Variants in TARS2 observed in about 807,000 individuals in gnomAD.
TARS2 encodes threonyl-tRNA synthetase 2, mitochondrial.
A neutral mutation model predicts 94.4 loss-of-function variants in TARS2; 61 were observed. That is an observed-to-expected ratio of 0.65 (90% CI 0.53 to 0.80). The LOEUF is 0.80. TARS2 is among the 30% of genes least tolerant of loss of function. The pLI is 0.00. For synonymous variants in TARS2, 359 were observed against 353.4 expected (o/e 1.02, Z -0.18); for missense variants, 704 against 902.5 (o/e 0.78, Z 2.82).
intron 13 of TARS2, among the ~76,000 whole-genome samples, chr1:150,500,008 C>CAA (rs587603543): frequency 4.8e-5 from 5 of 104,056 alleles, no homozygotes; most frequent in Admixed American, 1.0e-4. Flanking sequence ...CTGTGTCTAC[C>CAA]AAAAAAAAAA....
At chr1:150,499,323 T>G (rs1164456632) in intron 13 of TARS2, 30 bp downstream of exon 13, 3 of 1,594,230 alleles carry the variant, frequency 1.9e-6, no homozygotes, top group Non-Finnish European at 2.6e-6. Context: ...TAGTGTTGTA[T>G]TTATTTATTT....
intron 2 of TARS2, 23 bp downstream of exon 2, chr1:150,488,077 A>C: frequency 1.2e-6 from 2 of 1,609,888 alleles, no homozygotes; most frequent in Non-Finnish European, 8.5e-7. Context: ...TCCTGTAACT[A>C]CCAGGATTAT....
chr1:150,491,781 A>T, intron 6 of TARS2, 119 bp downstream of exon 6: 1 of 1,122,280 alleles, frequency 8.9e-7, no homozygotes, highest in East Asian at 2.5e-5. Context: ...AAGAAATGGG[A>T]ATGGGAATTG....
chr1:150,505,806 C>T (rs1035694305), intron 17 of TARS2, 101 bp downstream of exon 17: 2 of 1,104,480 alleles, frequency 1.8e-6, no homozygotes, highest in Non-Finnish European at 2.6e-6. Context: ...AATTGGGGCT[C>T]ATTACCTGAG....
In TARS2 at chr1:150,491,425, G is replaced by A. The variant is rs1173222873; in HGVS notation, c.544G>A (p.Glu182Lys). The A allele has an allele frequency of 8.7e-6, 14 of 1,613,306 alleles. No homozygotes were observed. The South Asian group carries it at 1.2e-4, about 14-fold the overall frequency. The change falls in exon 5 of 18, where the codon GAG becomes AAG. Residue 182 changes from glutamate to lysine, a missense_variant. Glu to Lys is a moderately conservative substitution (Grantham distance 56). This residue lies in a region of TARS2 where 208 missense variants were observed against 228.5 expected (regional missense o/e 0.91). Transcript: ENST00000369064. ...TIRGSELPVLERICQELTAAA... is the reference protein window; with the variant it reads ...TIRGSELPVLKRICQELTAAA... ...CCGGGGCTCAGAGCTGCCTGTTTTGGAGCGGATTTGCCAGGAACTTACAGC... is the reference window on the plus strand; with the variant it reads ...CCGGGGCTCAGAGCTGCCTGTTTTGAAGCGGATTTGCCAGGAACTTACAGC...
At position 150,490,072 on chromosome 1, in the gene TARS2, G is replaced by A. The variant is rs1669313799; in HGVS notation, c.388-529G>A. Reference sequence around the variant, plus strand: ...GGTGGGGCTGGAGCTTCTATGCACTGAAAGAAGAAAAAATACTGGCCTTCT... The same window carrying A: ...GGTGGGGCTGGAGCTTCTATGCACTAAAAGAAGAAAAAATACTGGCCTTCT... On this transcript the variant is annotated intron_variant, in intron 3 of 17. Transcript: ENST00000369064. Among the ~76,000 whole-genome samples, 4 of 148,542 alleles carry A rather than the reference G, an allele frequency of 2.7e-5. No individual in the cohort carries two copies. The South Asian group carries it at 8.5e-4, about 32-fold the overall frequency.
At chr1:150,491,960 AGT>A in intron 6 of TARS2, 1 of 116,432 alleles carries the variant, frequency 8.6e-6, no homozygotes, top group East Asian at 2.0e-4. Context: ...ATGCCTGGCT[AGT>A]TTTTTTTTTT....
chr1:150,502,120 C>T (rs1669951829), intron 13 of TARS2, among the ~76,000 whole-genome samples: 1 of 151,622 alleles, frequency 6.6e-6, no homozygotes, highest in African/African-American at 2.4e-5. Context: ...ACCATGTTGG[C>T]CAGGCTGGTC....
At position 150,489,101 on chromosome 1, in the gene TARS2, T is replaced by G. The variant is rs781625984; in HGVS notation, c.387+14T>G. 1.9e-6 allele frequency: 3 copies of G among 1,614,038 alleles called. No individual in the cohort carries two copies. In the South Asian group the frequency reaches 3.3e-5, roughly 18 times the overall value. ...GAGGGGAAAGCAGTAAGTTTCTTTC[T>G]TATCAGGAATACAGTGACTACTAAA... On this transcript the variant is annotated intron_variant, in intron 3 of 17. Coordinates refer to ENST00000369064, the MANE Select transcript of TARS2 (RefSeq NM_025150.5).
rs7542068 is a variant in TARS2 at position 150,491,296 on chromosome 1, C to G, written c.513-98C>G. 0.2 allele frequency: 226,726 copies of G among 1,160,864 alleles called. 24,913 individuals carry two copies. Among genetic ancestry groups the G allele is most frequent in the African/African-American group, 0.32 (21,053 of 65,536 alleles). The allele number at this position is 1,160,864 out of a possible 1,614,324, so 71.9% of individuals were successfully genotyped here. A position where few individuals can be genotyped will look rare whatever the true frequency, so the allele number is the denominator to read the frequency against. On this transcript the variant is annotated intron_variant, in intron 4 of 17. Transcript: ENST00000369064. ...TCTTTGCCTATAACTCTAGATTTCT[C>G]TTGAAGGACAGGACCTTACCCGCTA...
intron 16 of TARS2, among the ~76,000 whole-genome samples, chr1:150,505,185 G>A (rs1670147765): frequency 6.6e-6 from 1 of 152,210 alleles, no homozygotes; most frequent in Non-Finnish European, 1.5e-5. Context: ...AGAGATGTAT[G>A]AAAATTAAAC....
intron 6 of TARS2, chr1:150,492,189 C>T: frequency 6.2e-6 from 3 of 482,266 alleles, no homozygotes; most frequent in South Asian, 4.2e-5. Flanking sequence ...TGGTCTCGAA[C>T]TCCTGACCAC....
intron 9 of TARS2, 31 bp from the exon 10 acceptor site, chr1:150,497,499 T>A (rs2102492255): frequency 1.2e-6 from 2 of 1,606,852 alleles, no homozygotes; most frequent in Non-Finnish European, 1.7e-6. Context: ...CCAGTTACTC[T>A]GACCTTCCAT....
chr1:150,503,817 C>T lies in TARS2; in HGVS notation c.1618-518C>T, dbSNP rs587763197. On this transcript the variant is annotated intron_variant, in intron 13 of 17. Coordinates refer to ENST00000369064, the MANE Select transcript of TARS2 (RefSeq NM_025150.5). Reference sequence around the variant, plus strand: ...ACTCAGGAGGCTGAGGCAGGAGAGTCGCTTGAACCCGGGAGGCGGAGGCTG... The same window carrying T: ...ACTCAGGAGGCTGAGGCAGGAGAGTTGCTTGAACCCGGGAGGCGGAGGCTG... Among the ~76,000 whole-genome samples, 81 of 149,502 alleles carry T rather than the reference C, an allele frequency of 5.4e-4. 1 individual carries two copies. Among genetic ancestry groups the T allele is most frequent in the African/African-American group, 1.8e-3 (71 of 40,546 alleles).
intron 3 of TARS2, among the ~76,000 whole-genome samples, chr1:150,490,047 G>C (rs1669313184): frequency 6.6e-6 from 1 of 152,000 alleles, no homozygotes; most frequent in Admixed American, 6.6e-5. Flanking sequence ...AGGATTGAGG[G>C]GTGGGGCTGG....
intron 17 of TARS2, among the ~76,000 whole-genome samples, chr1:150,506,515 C>T (rs1670222246): frequency 7.2e-6 from 1 of 138,470 alleles, no homozygotes; most frequent in African/African-American, 2.7e-5. Context: ...CACACACACA[C>T]AGTTTCTCTC....
chr1:150,503,585 A>ATATATATATGTGTG (rs1461714331), intron 13 of TARS2, among the ~76,000 whole-genome samples: 5 of 137,108 alleles, frequency 3.6e-5, no homozygotes, highest in African/African-American at 1.4e-4. Flanking sequence ...GTGTATATAT[A>ATATATATATGTGTG]TGTGTGTGTG....
intron 14 of TARS2, 31 bp downstream of exon 14, chr1:150,504,466 T>C: frequency 6.2e-7 from 1 of 1,608,926 alleles, no homozygotes; most frequent in South Asian, 1.1e-5. Context: ...CTCTTTTCCC[T>C]TGACAGTGCA....
At chr1:150,502,902 ATATCT>A (rs1370617171) in intron 13 of TARS2, among the ~76,000 whole-genome samples, 1 of 152,264 alleles carries the variant, frequency 6.6e-6, no homozygotes, top group Non-Finnish European at 1.5e-5. Flanking sequence ...GGCAAATAAA[ATATCT>A]TTATTACTAA....
Sources: gnomAD v4.1 joint callset for allele counts (sites outside exome capture counted in the v4.1 genomes callset) on GRCh38, gnomAD v4.1.1 for gene constraint, gnomAD v4.1.1 regional missense constraint, MANE v1.5 for transcripts, NCBI Gene and HGNC (gene_info 2026-07-23, HGNC 2026-07-21) for gene names.